The following RNF123 variants were observed in gnomAD, a reference collection of about 807,000 sequenced individuals.
RNF123 encodes the protein ring finger protein 123.
A neutral mutation model predicts 168.5 loss-of-function variants in RNF123; 86 were observed. That is an observed-to-expected ratio of 0.51 (90% CI 0.43 to 0.61). The LOEUF (loss-of-function observed/expected upper bound fraction) is 0.61, where lower values mean the gene tolerates loss of function less well. Among genes scored for constraint, RNF123 ranks in the 20% least tolerant of loss-of-function variants. RNF123 has a pLI of 0.00. For synonymous variants in RNF123, 666 were observed against 689.1 expected (o/e 0.97, Z 0.52); for missense variants, 1,419 against 1,729.7 (o/e 0.82, Z 3.19).
At chr3:49,713,309 A>G in intron 27 of RNF123, 1 of 603,658 alleles carries the variant, frequency 1.7e-6, no homozygotes. Flanking sequence ...AGGGCCTGTC[A>G]TCCCTTCACA....
At chr3:49,712,913 T>G (rs1559685001) in intron 27 of RNF123, 1 of 703,500 alleles carries the variant, frequency 1.4e-6, no homozygotes, top group Middle Eastern at 2.3e-4. Flanking sequence ...ACCTCTTGGC[T>G]TTCACTTCCT....
chr3:49,699,516 C>A lies in RNF123; in HGVS notation c.813C>A (p.Asp271Glu), dbSNP rs2054332953. The change falls in exon 11 of 39, where the codon GAC becomes GAA. Residue 271 changes from aspartate (D) to glutamate (E), a missense_variant. This residue lies in a region of RNF123 where 318 missense variants were observed against 446.6 expected (regional missense o/e 0.71). Coordinates refer to ENST00000327697, the MANE Select transcript of RNF123 (RefSeq NM_022064.5). This position sits in a 1 kb window ranked among gnomAD's most constrained non-coding sequence, Gnocchi z 4.8. ...YRPLQDPPSA[D>E]LVRAQRLLGC... Reference sequence around the variant, plus strand: ...CCCTGCAGGACCCACCGAGTGCTGACCTGGTGCGGGCACAGAGGTTGCTGG... The same window carrying A: ...CCCTGCAGGACCCACCGAGTGCTGAACTGGTGCGGGCACAGAGGTTGCTGG... 6.2e-7 allele frequency: 1 copy of A among 1,612,224 alleles called. No homozygotes were observed. The highest frequency in any genetic ancestry group is 1.3e-5 in the African/African-American group (1 of 74,872).
In RNF123 at chr3:49,701,918, C is replaced by T. The variant is rs372575178; in HGVS notation, c.1495+8C>T. The T allele has an allele frequency of 3.4e-5, 53 of 1,559,110 alleles. No homozygotes were observed. Among genetic ancestry groups the T allele is most frequent in the Non-Finnish European group, 4.3e-5 (49 of 1,151,186 alleles). ...TCAGGAAGCGCATCGAAGGTCAGCCCGCCTTGGGCACGGGGTAGGGTGGGA... is the reference window on the plus strand; with the variant it reads ...TCAGGAAGCGCATCGAAGGTCAGCCTGCCTTGGGCACGGGGTAGGGTGGGA... On this transcript the variant is annotated splice_region_variant and intron_variant, in intron 17 of 38. Transcript: ENST00000327697.
intron 35 of RNF123, chr3:49,717,900 C>G: frequency 6.4e-7 from 1 of 1,558,068 alleles, no homozygotes. Flanking sequence ...AAGCAGGGAG[C>G]AGGGCGAGCA....
chr3:49,715,352 C>T, intron 31 of RNF123: 4 of 599,382 alleles, frequency 6.7e-6, no homozygotes, highest in Non-Finnish European at 1.2e-5. Flanking sequence ...CAGGGCTGGA[C>T]ACAGCTGCAG....
At chr3:49,693,678 C>T (rs1312982766) in intron 3 of RNF123, among the ~76,000 whole-genome samples, 1 of 152,130 alleles carries the variant, frequency 6.6e-6, no homozygotes, top group Admixed American at 6.5e-5. Context: ...TTTTGAGGAA[C>T]CTCCAAACTG....
At position 49,720,581 on chromosome 3, in the gene RNF123, G is replaced by C; in HGVS notation, c.3571G>C (p.Gly1191Arg). ...FQLRSICYLL[G>R]QPEPPAPGTA... is the part of the protein sequence containing the mutation. ...GCTACGCTCAATATGCTATCTCCTG[G>C]GACAGCCAGAGCCCCCAGCACCTGG... Residue 1191 changes from glycine to arginine, a missense_variant, in exon 36 of 39, where the codon GGA (glycine) becomes CGA (arginine). Around this residue, in one of 5 missense-constraint regions of RNF123, gnomAD observed 164 missense variants for 152.3 expected, o/e 1.08. Coordinates refer to ENST00000327697, the MANE Select transcript of RNF123 (RefSeq NM_022064.5). 1.9e-6 allele frequency: 3 copies of C among 1,611,980 alleles called. No individual in the cohort carries two copies. Among genetic ancestry groups the C allele is most frequent in the Non-Finnish European group, 2.5e-6 (3 of 1,178,784 alleles).
Position 49,715,668 on chromosome 3 carries a change from A to C in RNF123, c.3104A>C (p.Asn1035Thr), listed in dbSNP as rs1269143937. 1.2e-5 allele frequency: 19 copies of C among 1,614,038 alleles called. No individual in the cohort carries two copies. Among genetic ancestry groups the C allele is most frequent in the Non-Finnish European group, 1.6e-5 (19 of 1,180,042 alleles). ...VAPSFLNSVL[N>T]QLNWAFSEFI... ...CCCAGCTTCCTCAACAGCGTCCTCA[A>C]TCAGCTCAACTGGGCCTTCTCTGAA... Residue 1035 changes from asparagine to threonine, a missense_variant, in exon 32 of 39, where the codon AAT becomes ACT. Transcript: ENST00000327697.
intron 26 of RNF123, among the ~76,000 whole-genome samples, chr3:49,709,794 A>G (rs1375687077): frequency 6.7e-6 from 1 of 149,324 alleles, no homozygotes; most frequent in Non-Finnish European, 1.5e-5. Flanking sequence ...GCTGGTCTTG[A>G]ACTGCTGACC....
intron 35 of RNF123, chr3:49,717,847 A>G: frequency 7.8e-7 from 1 of 1,277,596 alleles, no homozygotes; most frequent in Non-Finnish European, 1.1e-6. Context: ...CTGGGGGGCC[A>G]GGCACAGTGC....
intron 27 of RNF123, 122 bp from the exon 28 acceptor site, chr3:49,713,391 G>C: frequency 4.5e-6 from 4 of 884,128 alleles, no homozygotes; most frequent in Non-Finnish European, 5.3e-6. Flanking sequence ...TGCCACCCTG[G>C]GTCCAGGCTG....
chr3:49,718,957 G>A (rs2080319277), intron 35 of RNF123: 1 of 1,613,726 alleles, frequency 6.2e-7, no homozygotes, highest in Admixed American at 1.7e-5. Flanking sequence ...GGAGAACGAG[G>A]CGAGTTCGTT....
In RNF123 at chr3:49,719,587, G is replaced by A. The variant is rs538106973; in HGVS notation, c.3501-924G>A. The A allele has an allele frequency of 4.6e-6, 4 of 867,930 alleles. No homozygotes were observed. In the African/African-American group the frequency reaches 6.8e-5, roughly 15 times the overall value. The allele number at this position is 867,930 out of a possible 1,614,324, so 53.8% of individuals were successfully genotyped here. A position where few individuals can be genotyped will look rare whatever the true frequency, so the allele number is the denominator to read the frequency against. On this transcript the variant is annotated intron_variant, in intron 35 of 38. Transcript: ENST00000327697. ...ATGGCCCTTGCCGAGGAGGCACGGCGGGTTCTTGCCAGCCGACGGCCCCTA... is the reference window on the plus strand; with the variant it reads ...ATGGCCCTTGCCGAGGAGGCACGGCAGGTTCTTGCCAGCCGACGGCCCCTA...
chr3:49,721,215 C>G lies in RNF123; in HGVS notation c.3855C>G (p.Asn1285Lys). The part of the protein sequence containing the change: ...KACINQHLMN[N>K]KDCFFCKTTI... ...GTATCAACCAGCACCTGATGAACAA[C>G]AAGGACTGCTTCTTCTGCAAAACCA... The change falls in exon 39 of 39, where the codon AAC becomes AAG. Residue 1285 changes from asparagine (N) to lysine (K), a missense_variant. Coordinates refer to ENST00000327697, the MANE Select transcript of RNF123 (RefSeq NM_022064.5). 6.2e-7 allele frequency: 1 copy of G among 1,614,212 alleles called. No homozygotes were observed. Among genetic ancestry groups the G allele is most frequent in the South Asian group, 1.1e-5 (1 of 91,088 alleles).
At chr3:49,703,229 C>G (rs1418709588) in intron 20 of RNF123, among the ~76,000 whole-genome samples, 198 bp from the exon 21 acceptor site, 1 of 152,174 alleles carries the variant, frequency 6.6e-6, no homozygotes, top group Non-Finnish European at 1.5e-5. Context: ...TGGCTCTGAC[C>G]TGAAATGGCA....
intron 16 of RNF123, 63 bp downstream of exon 16, chr3:49,701,671 C>A: frequency 6.7e-7 from 1 of 1,499,370 alleles, no homozygotes; most frequent in Non-Finnish European, 9.3e-7. Flanking sequence ...GGGCATCTGG[C>A]CACTGGGCAT....
At chr3:49,696,501 A>C (rs1325206842) in intron 3 of RNF123, among the ~76,000 whole-genome samples, 1 of 152,004 alleles carries the variant, frequency 6.6e-6, no homozygotes, top group Admixed American at 6.6e-5. Flanking sequence ...GGCACATGCC[A>C]CCGCGCCCAG....
chr3:49,698,629 T>C (rs925024230), intron 8 of RNF123, 103 bp downstream of exon 8: 13 of 1,538,776 alleles, frequency 8.4e-6, no homozygotes, highest in Non-Finnish European at 1.1e-5. Context: ...CAGGGAAGGG[T>C]CAGGGACCCA....
chr3:49,721,297 G>T lies in RNF123; in HGVS notation c.3937G>T (p.Ala1313Ser). ...KGANTSTTSSAA is the reference protein window; with the variant it reads ...KGANTSTTSSSA ...AGCCAATACGAGTACTACCTCCTCA[G>T]CTGCCTAGCCCTCACAGCCTGTGCC... is the stretch of plus-strand genomic sequence containing the variant. Residue 1313 changes from alanine to serine, a missense_variant, in exon 39 of 39, where the codon GCT becomes TCT. Transcript: ENST00000327697. The T allele has an allele frequency of 6.2e-7, 1 of 1,614,190 alleles. No individual in the cohort carries two copies.
Sources: allele counts gnomAD v4.1 joint callset (sites outside exome capture counted in the v4.1 genomes callset), GRCh38; gene constraint gnomAD v4.1.1; regional missense constraint gnomAD v4.1.1; non-coding constraint Gnocchi (gnomAD v3.1); transcripts MANE v1.5; gene names NCBI Gene and HGNC (gene_info 2026-07-23, HGNC 2026-07-21).